Variants in FBXO45 observed in about 807,000 individuals in gnomAD.
FBXO45 encodes the protein F-box protein 45.
In FBXO45, 3 loss-of-function variants were observed where a neutral mutation model predicts 25.5. The observed-to-expected ratio is 0.12, with a 90% CI of 0.05 to 0.30. The LOEUF (loss-of-function observed/expected upper bound fraction) is 0.30. Among genes scored for constraint, FBXO45 ranks in the 10% least tolerant of loss-of-function variants. The pLI is 1.00. For synonymous variants in FBXO45, 155 were observed against 149.8 expected (o/e 1.03, Z -0.25); for missense variants, 219 against 365.0 (o/e 0.60, Z 3.26).
chr3:196,575,513 G>A (rs1735898041), intron 1 of FBXO45, among the ~76,000 whole-genome samples: 1 of 151,368 alleles, frequency 6.6e-6, no homozygotes, highest in African/African-American at 2.4e-5. Context: ...TAGTGTCAAT[G>A]TGAAATTGGA....
In FBXO45 at chr3:196,577,795, G is replaced by A. The variant is rs779907832; in HGVS notation, c.661G>A (p.Ala221Thr). ...VNGSFPQCNN[A>T]PKYQIGERIR... ...TGGCAGTTTTCCACAGTGCAACAAC[G>A]CACCAAAATATCAGGTGAGAAACTG... The change falls in exon 2 of 3, where the codon GCA (alanine) becomes ACA (threonine). Residue 221 changes from alanine (A) to threonine (T), a missense_variant. Physicochemically the swap from Ala to Thr is moderately conservative, Grantham distance 58. Around this residue, in one of 4 missense-constraint regions of FBXO45, gnomAD observed 34 missense variants for 48.2 expected, o/e 0.70. Transcript: ENST00000311630. 1.9e-6 allele frequency: 3 copies of A among 1,575,204 alleles called. No homozygotes were observed. Among genetic ancestry groups the A allele is most frequent in the Non-Finnish European group, 2.6e-6 (3 of 1,151,118 alleles).
At chr3:196,581,882 A>C (rs932722648) in intron 2 of FBXO45, among the ~76,000 whole-genome samples, 11 of 152,200 alleles carry the variant, frequency 7.2e-5, no homozygotes, top group Non-Finnish European at 1.0e-4. Context: ...CTATACTCAA[A>C]CTATAAACTC....
intron 1 of FBXO45, among the ~76,000 whole-genome samples, chr3:196,573,000 C>T (rs151306924): frequency 0.01 from 1,563 of 152,198 alleles, 14 homozygotes; most frequent in Non-Finnish European, 0.017. Flanking sequence ...TAGCTCACTG[C>T]AGCCTTGAAC....
chr3:196,569,117 G>C lies in FBXO45; in HGVS notation c.133G>C (p.Glu45Gln). ...AGGRLPSRVL[E>Q]LVFSYLELSE... ...GGGCCGGCTGCCCAGCCGGGTGCTGGAGTTGGTGTTCTCTTACCTGGAGCT... is the reference window on the plus strand; with the variant it reads ...GGGCCGGCTGCCCAGCCGGGTGCTGCAGTTGGTGTTCTCTTACCTGGAGCT... Residue 45 changes from glutamate to glutamine, a missense_variant, in exon 1 of 3, where the codon GAG (glutamate) becomes CAG (glutamine). Transcript: ENST00000311630. The surrounding 1 kb of genome is among the most constrained non-coding windows in gnomAD (Gnocchi z 4.1). 1 of 1,535,654 alleles carries C rather than the reference G, an allele frequency of 6.5e-7. No homozygotes were observed. Among genetic ancestry groups the C allele is most frequent in the Non-Finnish European group, 8.8e-7 (1 of 1,137,554 alleles).
chr3:196,578,501 C>G (rs1200683977), intron 2 of FBXO45, among the ~76,000 whole-genome samples: 1 of 149,032 alleles, frequency 6.7e-6, no homozygotes, highest in Non-Finnish European at 1.5e-5. Context: ...TCCATATGGT[C>G]TCTGTCACAA....
At position 196,584,042 on chromosome 3, in the gene FBXO45, C is replaced by T; in HGVS notation, c.676-91C>T. The T allele has an allele frequency of 8.3e-7, 1 of 1,206,390 alleles. No individual in the cohort carries two copies. Among genetic ancestry groups the T allele is most frequent in the East Asian group, 2.4e-5 (1 of 42,026 alleles). The allele number at this position is 1,206,390 out of a possible 1,614,324, so 74.7% of individuals were successfully genotyped here. Reference sequence around the variant, plus strand: ...TCTAGATAGCTTTCAGGATAATATTCTTAATATTTTCAACTTCTTGATTTG... The same window carrying T: ...TCTAGATAGCTTTCAGGATAATATTTTTAATATTTTCAACTTCTTGATTTG... On this transcript the variant is annotated intron_variant, in intron 2 of 2. Transcript: ENST00000311630. The surrounding 1 kb of genome is among the most constrained non-coding windows in gnomAD (Gnocchi z 4.3).
At chr3:196,577,302 C>A in intron 1 of FBXO45, 151 bp from the exon 2 acceptor site, 1 of 625,572 alleles carries the variant, frequency 1.6e-6, no homozygotes, top group Non-Finnish European at 2.6e-6. Context: ...GTATTCCATC[C>A]TGAAACTTCA....
At chr3:196,572,401 G>A (rs76079112) in intron 1 of FBXO45, among the ~76,000 whole-genome samples, 2,265 of 152,310 alleles carry the variant, frequency 0.015, 56 homozygotes, top group African/African-American at 0.052. Context: ...ATTGTCAGTA[G>A]TGGAGGATTT....
chr3:196,577,342 T>A, intron 1 of FBXO45, 111 bp from the exon 2 acceptor site: 4 of 806,798 alleles, frequency 5.0e-6, no homozygotes, highest in Non-Finnish European at 5.6e-6. Context: ...TGTGTTATTT[T>A]AAAATATATA....
intron 1 of FBXO45, among the ~76,000 whole-genome samples, chr3:196,575,159 G>A (rs1735890870): frequency 6.6e-6 from 1 of 152,206 alleles, no homozygotes; most frequent in Admixed American, 6.5e-5. Context: ...TGTCATAGAA[G>A]TTTGAGGAAG....
At chr3:196,575,643 T>TC (rs1735899807) in intron 1 of FBXO45, among the ~76,000 whole-genome samples, 1 of 151,686 alleles carries the variant, frequency 6.6e-6, no homozygotes, top group African/African-American at 2.4e-5. Context: ...ACATGTTCCT[T>TC]CCCCATTTAA....
At chr3:196,570,039 G>A (rs1002606418) in intron 1 of FBXO45, among the ~76,000 whole-genome samples, 4 of 152,044 alleles carry the variant, frequency 2.6e-5, no homozygotes, top group African/African-American at 9.6e-5. Flanking sequence ...TGCATATTCC[G>A]CCCGCCTTCA....
chr3:196,583,036 C>A (rs1736040987), intron 2 of FBXO45, among the ~76,000 whole-genome samples: 1 of 152,128 alleles, frequency 6.6e-6, no homozygotes, highest in South Asian at 2.1e-4. Context: ...TCACTCCCCA[C>A]CCCTGGTAAA....
At position 196,587,213 on chromosome 3, in the gene FBXO45, A is replaced by C. The variant is rs1307041077; in HGVS notation, c.*2895A>C. 4 of 152,248 alleles carry C rather than the reference A, an allele frequency of 2.6e-5. No individual in the cohort carries two copies. Among genetic ancestry groups the C allele is most frequent in the Non-Finnish European group, 5.9e-5 (4 of 68,036 alleles). The allele number at this position is 152,248 out of a possible 1,614,324, so 9.4% of individuals were successfully genotyped here. A position where few individuals can be genotyped will look rare whatever the true frequency, so the allele number is the denominator to read the frequency against. ...TTTTAATTACCTGGTTTTACATAGGAAAGAAGAAATATTAAGGCTTAAAGT... is the reference window on the plus strand; with the variant it reads ...TTTTAATTACCTGGTTTTACATAGGCAAGAAGAAATATTAAGGCTTAAAGT... On this transcript the variant is annotated 3_prime_UTR_variant, in exon 3 of 3. Coordinates refer to ENST00000311630, the MANE Select transcript of FBXO45 (RefSeq NM_001105573.2).
intron 1 of FBXO45, among the ~76,000 whole-genome samples, chr3:196,571,891 A>G (rs1735831645): frequency 6.6e-6 from 1 of 152,254 alleles, no homozygotes; most frequent in African/African-American, 2.4e-5. Context: ...GATTAATTCA[A>G]AAGGAGTCAA....
At chr3:196,575,835 C>T (rs79667768) in intron 1 of FBXO45, among the ~76,000 whole-genome samples, 34,959 of 151,722 alleles carry the variant, frequency 0.23, 4,528 homozygotes, top group Non-Finnish European at 0.29. Flanking sequence ...CACTGCCACG[C>T]CCAGCTAATT....
At chr3:196,575,567 A>G (rs1735898626) in intron 1 of FBXO45, among the ~76,000 whole-genome samples, 1 of 151,998 alleles carries the variant, frequency 6.6e-6, no homozygotes, top group South Asian at 2.1e-4. Context: ...TATTAATTAA[A>G]TATTTTATAG....
At chr3:196,574,628 G>A (rs1172503242) in intron 1 of FBXO45, among the ~76,000 whole-genome samples, 1 of 152,130 alleles carries the variant, frequency 6.6e-6, no homozygotes. Context: ...ACTGAGGTGT[G>A]ATCAATTTAG....
intron 1 of FBXO45, among the ~76,000 whole-genome samples, chr3:196,576,088 A>G (rs1735909515): frequency 3.3e-5 from 5 of 152,216 alleles, no homozygotes; most frequent in Admixed American, 2.6e-4. Context: ...TGCATGGGAT[A>G]CTGGAAACAA....
Sources: allele counts gnomAD v4.1 joint callset (sites outside exome capture counted in the v4.1 genomes callset), GRCh38; gene constraint gnomAD v4.1.1; regional missense constraint gnomAD v4.1.1; non-coding constraint Gnocchi (gnomAD v3.1); transcripts MANE v1.5; gene names NCBI Gene and HGNC (gene_info 2026-07-23, HGNC 2026-07-21).